CD72: variants seen among roughly 807,000 people sequenced by gnomAD.
CD72 encodes CD72 molecule.
Under a neutral mutation model 50.7 loss-of-function variants are expected in CD72, and 28 were observed. That is an observed-to-expected ratio of 0.55 (90% CI 0.41 to 0.76). The LOEUF (loss-of-function observed/expected upper bound fraction) is 0.76, where lower values mean the gene tolerates loss of function less well. CD72 is among the 30% of genes least tolerant of loss of function. The pLI is 0.00. For synonymous variants in CD72, 176 were observed against 171.2 expected (o/e 1.03, Z -0.22); for missense variants, 403 against 420.6 (o/e 0.96, Z 0.37).
At chr9:35,614,483 A>G (rs1187697754) in intron 5 of CD72, among the ~76,000 whole-genome samples, 1 of 152,230 alleles carries the variant, frequency 6.6e-6, no homozygotes, top group Non-Finnish European at 1.5e-5. Flanking sequence ...TCTCTGAAAG[A>G]GTGGAAGATG....
intron 1 of CD72, among the ~76,000 whole-genome samples, chr9:35,639,852 G>A (rs1823323557): frequency 6.6e-6 from 1 of 152,132 alleles, no homozygotes; most frequent in Non-Finnish European, 1.5e-5. Context: ...TTGTTACTTT[G>A]CAAAATGGAA....
At chr9:35,645,381 A>T (rs1436480626) in intron 1 of CD72, among the ~76,000 whole-genome samples, 1 of 152,082 alleles carries the variant, frequency 6.6e-6, no homozygotes, top group Non-Finnish European at 1.5e-5. Flanking sequence ...CAGGAGTTGG[A>T]GACCGGCCTG....
chr9:35,612,742 A>G, intron 6 of CD72, 106 bp downstream of exon 6: 2 of 1,026,262 alleles, frequency 1.9e-6, no homozygotes, highest in Non-Finnish European at 2.9e-6. Flanking sequence ...TCCATGGAAA[A>G]GGAATGGCCA....
At chr9:35,614,989 T>C (rs1368633147) in intron 5 of CD72, among the ~76,000 whole-genome samples, 2 of 150,546 alleles carry the variant, frequency 1.3e-5, no homozygotes, top group Admixed American at 1.3e-4. Context: ...AAAAGGGGAG[T>C]CAGCAGATTG....
Position 35,617,226 on chromosome 9 carries a change from G to C in CD72, c.212C>G (p.Thr71Ser). The change falls in exon 3 of 9, where the codon ACT becomes AGT. Residue 71 changes from threonine (T) to serine (S), a missense_variant. By Grantham distance (58) the Thr-to-Ser change is moderately conservative (BLOSUM62 1). Transcript: ENST00000259633. The part of the protein sequence containing the change: ...DKAAVKSEQP[T>S]ASWRAVTSPA... ...TGACGTCACGGCTCTCCAGGACGCA[G>C]TTGGCTGCTCCGACTTGACCGCTGT... 1 of 1,565,206 alleles carries C rather than the reference G, an allele frequency of 6.4e-7. No individual in the cohort carries two copies. The highest frequency in any genetic ancestry group is 1.2e-5 in the South Asian group (1 of 85,180).
At chr9:35,616,316 GC>G (rs745551186) in intron 4 of CD72, 38 bp from the exon 5 acceptor site, 2 of 1,521,320 alleles carry the variant, frequency 1.3e-6, no homozygotes, top group Non-Finnish European at 1.8e-6. Context: ...GTCTTCTCCA[GC>G]CCTGCCCTAG....
chr9:35,611,210 C>T (rs1270374220), intron 7 of CD72, among the ~76,000 whole-genome samples: 1 of 151,114 alleles, frequency 6.6e-6, no homozygotes, highest in Non-Finnish European at 1.5e-5. Flanking sequence ...GAGATTGCAC[C>T]ACTGCACTCC....
chr9:35,611,664 A>G, intron 7 of CD72, 140 bp downstream of exon 7: 1 of 592,200 alleles, frequency 1.7e-6, no homozygotes, highest in South Asian at 2.1e-5. Flanking sequence ...AATCAAATAG[A>G]GGAAACAGAC....
chr9:35,613,299 C>A (rs1472816116), intron 5 of CD72, among the ~76,000 whole-genome samples: 5 of 152,032 alleles, frequency 3.3e-5, no homozygotes, highest in Non-Finnish European at 5.9e-5. Context: ...ATCTCTTGGG[C>A]CCATCTCCTC....
chr9:35,613,016 TAGC>T, intron 5 of CD72, 23 bp from the exon 6 acceptor site: 1 of 1,595,428 alleles, frequency 6.3e-7, no homozygotes, highest in Non-Finnish European at 8.6e-7. Context: ...AAGAGTGTGA[TAGC>T]AGCAACAGTT....
At chr9:35,621,988 G>T (rs563837872), upstream of CD72, among the ~76,000 whole-genome samples, 1 of 152,220 alleles carries the variant, frequency 6.6e-6, no homozygotes, top group Non-Finnish European at 1.5e-5. Flanking sequence ...GCCACCAAGT[G>T]TGTAATTTAT....
At chr9:35,625,876 C>T (rs1311434452) in intron 1 of CD72, among the ~76,000 whole-genome samples, 1 of 152,060 alleles carries the variant, frequency 6.6e-6, no homozygotes, top group Admixed American at 6.5e-5. Context: ...TATTTTAAGC[C>T]CACCATTGAC....
At chr9:35,621,658 G>T, upstream of CD72, among the ~76,000 whole-genome samples, 1 of 152,178 alleles carries the variant, frequency 6.6e-6, no homozygotes, top group East Asian at 1.9e-4. Flanking sequence ...ATCTTGGTAG[G>T]CACACTCTGA....
rs550110414 is a variant in CD72 at position 35,638,112 on chromosome 9, C to T, written n.408+8291G>A. Reference sequence around the variant, plus strand: ...CCTACAAGACCTAGATAATTTTTGTCGAAAAATGGGCAAATGGTCGGAGGT... The same window carrying T: ...CCTACAAGACCTAGATAATTTTTGTTGAAAAATGGGCAAATGGTCGGAGGT... On this transcript the variant is annotated intron_variant and non_coding_transcript_variant, in intron 1 of 3. Coordinates refer to the CD72 transcript ENST00000465754. Among the ~76,000 whole-genome samples, 8 of 152,224 alleles carry T rather than the reference C, an allele frequency of 5.3e-5. No homozygotes were observed. The South Asian group carries it at 1.2e-3, about 24-fold the overall frequency.
upstream of CD72, chr9:35,618,561 G>T (rs530867791): frequency 5.0e-6 from 4 of 803,814 alleles, no homozygotes; most frequent in Admixed American, 2.2e-5. Context: ...AGAACACAGG[G>T]GTAGGGGATG....
chr9:35,613,282 A>AC (rs2131757921), intron 5 of CD72, among the ~76,000 whole-genome samples: 1 of 151,982 alleles, frequency 6.6e-6, no homozygotes, highest in African/African-American at 2.4e-5. Flanking sequence ...CTGACACTTT[A>AC]CCTAACATCT....
chr9:35,616,734 A>G (rs1259702031), intron 3 of CD72, 45 bp from the exon 4 acceptor site: 2 of 1,496,594 alleles, frequency 1.3e-6, no homozygotes, highest in East Asian at 4.5e-5. Flanking sequence ...GCCCCCGTAA[A>G]GAATGTAGAG....
At chr9:35,616,800 G>A in intron 3 of CD72, 111 bp from the exon 4 acceptor site, 1 of 1,040,800 alleles carries the variant, frequency 9.6e-7, no homozygotes, top group Admixed American at 2.0e-5. Context: ...TAAGAGGAGG[G>A]CGGTGCAGAG....
intron 4 of CD72, 52 bp downstream of exon 4, chr9:35,616,548 T>C (rs768055296): frequency 1.4e-6 from 2 of 1,381,686 alleles, no homozygotes; most frequent in South Asian, 1.2e-5. Flanking sequence ...GGGGCGAGAG[T>C]CGGGACGAAA....
Sources: allele counts gnomAD v4.1 joint callset (sites outside exome capture counted in the v4.1 genomes callset), GRCh38; gene constraint gnomAD v4.1.1; transcripts MANE v1.5; gene names NCBI Gene and HGNC (gene_info 2026-07-23, HGNC 2026-07-21).